Variants in COL5A1 observed in about 807,000 individuals in gnomAD.
COL5A1 encodes collagen alpha-1(V) chain.
Under a neutral mutation model 263.7 loss-of-function variants are expected in COL5A1, and 16 were observed. The observed-to-expected ratio is 0.06, with a 90% confidence interval of 0.04 to 0.09. The LOEUF (loss-of-function observed/expected upper bound fraction) is 0.09, where lower values mean the gene tolerates loss of function less well. Among genes scored for constraint, COL5A1 ranks in the 10% least tolerant of loss-of-function variants. COL5A1 has a pLI of 1.00. For synonymous variants in COL5A1, 1,012 were observed against 1,004.5 expected (o/e 1.01, Z -0.14); for missense variants, 2,036 against 2,540.5 (o/e 0.80, Z 4.27).
chr9:134,784,808 C>T (rs1253742475), intron 29 of COL5A1, among the ~76,000 whole-genome samples, 181 bp from the exon 30 acceptor site: 10 of 152,240 alleles, frequency 6.6e-5, no homozygotes, highest in East Asian at 1.9e-4. Context: ...CGGTACAATG[C>T]GCTCGCTTTG....
intron 37 of COL5A1, 108 bp downstream of exon 37, chr9:134,798,569 AGAGACAGGTTGGCCTC>A (rs1838002060): frequency 3.3e-6 from 4 of 1,203,606 alleles, no homozygotes; most frequent in Admixed American, 1.8e-5. Context: ...CTGGCCTGGG[AGAGACAGGTTGGCCTC>A]AGAAAGGCTC....
At position 134,686,296 on chromosome 9, in the gene COL5A1, C is replaced by G. The variant is rs1833077471; in HGVS notation, c.110-4616C>G. ...CGAGACCAGGTTATGCTCTGTCACC[C>G]AAGCTGGAGTGCAGTGACACGATCC... On this transcript the variant is annotated intron_variant, in intron 1 of 65. Transcript: ENST00000371817. The surrounding 1 kb of genome is among the most constrained non-coding windows in gnomAD (Gnocchi z 4.6). 6.6e-6 allele frequency among the ~76,000 whole-genome samples: 1 copy of G among 152,052 alleles called. No homozygotes were observed. Among genetic ancestry groups the G allele is most frequent in the African/African-American group, 2.4e-5 (1 of 41,380 alleles).
At chr9:134,656,868 T>C (rs1460255956) in intron 1 of COL5A1, among the ~76,000 whole-genome samples, 4 of 139,994 alleles carry the variant, frequency 2.9e-5, no homozygotes, top group African/African-American at 5.4e-5. Context: ...GAGGTTCCAA[T>C]TGGCAGGGCA....
chr9:134,691,202 C>A, intron 2 of COL5A1, 123 bp downstream of exon 2: 1 of 1,272,038 alleles, frequency 7.9e-7, no homozygotes, highest in Non-Finnish European at 1.1e-6. Context: ...AAGCCCCTCT[C>A]ACGAGCCCGG....
intron 2 of COL5A1, among the ~76,000 whole-genome samples, chr9:134,697,956 G>T (rs1833539391): frequency 6.6e-6 from 1 of 152,108 alleles, no homozygotes; most frequent in Non-Finnish European, 1.5e-5. Context: ...TGGTGGTGTG[G>T]ACCTGTAGTC....
intron 2 of COL5A1, among the ~76,000 whole-genome samples, chr9:134,693,227 A>G (rs1406427254): frequency 1.3e-5 from 2 of 151,950 alleles, no homozygotes; most frequent in East Asian, 3.9e-4. Context: ...TTTTAACCAG[A>G]TGCTAGGTGA....
intron 39 of COL5A1, among the ~76,000 whole-genome samples, chr9:134,803,313 C>T (rs957202792): frequency 6.6e-6 from 1 of 152,208 alleles, no homozygotes; most frequent in African/African-American, 2.4e-5. Context: ...GTCCATAACA[C>T]GTTTAGCAGA....
At chr9:134,660,387 TAGGAA>T (rs1056661543) in intron 1 of COL5A1, among the ~76,000 whole-genome samples, 1 of 152,188 alleles carries the variant, frequency 6.6e-6, no homozygotes, top group Non-Finnish European at 1.5e-5. Flanking sequence ...CAGATTCTAT[TAGGAA>T]AAGTTAGGAA....
At chr9:134,645,470 C>A (rs1245415525) in intron 1 of COL5A1, among the ~76,000 whole-genome samples, 2 of 152,226 alleles carry the variant, frequency 1.3e-5, no homozygotes, top group African/African-American at 4.8e-5. Context: ...CGAGGGCACC[C>A]ACATAGGAGC....
At position 134,741,995 on chromosome 9, in the gene COL5A1, G is replaced by A. The variant is rs775007903; in HGVS notation, c.1494+3187G>A. ...ACCCTGCTCCCTGTGGGCAGCCGTG[G>A]GCAGCCGTGGCAATTGGCTGGGAGC... is the stretch of plus-strand genomic sequence containing the variant. On this transcript the variant is annotated intron_variant, in intron 11 of 65. Transcript: ENST00000371817. The surrounding 1 kb of genome is among the most constrained non-coding windows in gnomAD (Gnocchi z 4.5). Among the ~76,000 whole-genome samples the A allele has an allele frequency of 2.0e-5, 3 of 152,124 alleles. No homozygotes were observed. The highest frequency in any genetic ancestry group is 2.9e-5 in the Non-Finnish European group (2 of 68,030).
chr9:134,808,279 T>G (rs1034179044), intron 42 of COL5A1, among the ~76,000 whole-genome samples: 2 of 152,126 alleles, frequency 1.3e-5, no homozygotes, highest in Non-Finnish European at 2.9e-5. Flanking sequence ...TGTCGGAAGA[T>G]AGGGATCCCT....
In COL5A1 at chr9:134,789,387, C is replaced by T. The variant is rs191970954; in HGVS notation, c.2700+179C>T. Among the ~76,000 whole-genome samples, 16 of 152,070 alleles carry T rather than the reference C, an allele frequency of 1.1e-4. No homozygotes were observed. The highest frequency in any genetic ancestry group is 5.8e-4 in the East Asian group (3 of 5,162). ...CCACGTGTTGGTGACACTCTCCAGA[C>T]GCTGGGCTGGGCAGGTATGTGATAG... On this transcript the variant is annotated intron_variant, in intron 32 of 65. Coordinates refer to ENST00000371817, the MANE Select transcript of COL5A1 (RefSeq NM_000093.5). The surrounding 1 kb of genome is among the most constrained non-coding windows in gnomAD (Gnocchi z 4.8).
chr9:134,708,748 T>G, intron 4 of COL5A1: 1 of 482,318 alleles, frequency 2.1e-6, no homozygotes, highest in Non-Finnish European at 4.1e-6. Flanking sequence ...CTGGGACTGC[T>G]GCAACCAACT....
intron 58 of COL5A1, among the ~76,000 whole-genome samples, chr9:134,820,612 G>C (rs1163575477): frequency 6.6e-6 from 1 of 152,218 alleles, no homozygotes; most frequent in African/African-American, 2.4e-5. Flanking sequence ...TGCGGGCAGA[G>C]TGGCTGTTCT....
At chr9:134,725,819 A>G (rs370878741) in intron 4 of COL5A1, among the ~76,000 whole-genome samples, 1 of 152,204 alleles carries the variant, frequency 6.6e-6, no homozygotes, top group African/African-American at 2.4e-5. Flanking sequence ...ATTCCATTCT[A>G]TGCATATACC....
At chr9:134,695,333 T>G (rs569104692) in intron 2 of COL5A1, among the ~76,000 whole-genome samples, 2 of 152,106 alleles carry the variant, frequency 1.3e-5, no homozygotes, top group Admixed American at 6.5e-5. Context: ...CAGCCTCCCT[T>G]AGGCAGAATG....
rs867389556 is a variant in COL5A1 at position 134,841,912 on chromosome 9, C to T, written c.5371-245C>T. The stretch of plus-strand genomic sequence containing the variant: ...AAGCCTTGGGAGGGTCCTGTCGCCT[C>T]GCTGATGCCCACACCACCCCACCTC... On this transcript the variant is annotated intron_variant, in intron 65 of 65. Coordinates refer to ENST00000371817, the MANE Select transcript of COL5A1 (RefSeq NM_000093.5). This position sits in a 1 kb window ranked among gnomAD's most constrained non-coding sequence, Gnocchi z 4.8. Among the ~76,000 whole-genome samples the T allele has an allele frequency of 7.2e-5, 11 of 152,136 alleles. No individual in the cohort carries two copies. The highest frequency in any genetic ancestry group is 1.4e-4 in the African/African-American group (6 of 41,424).
At chr9:134,746,620 G>A (rs546298334) in intron 11 of COL5A1, among the ~76,000 whole-genome samples, 2 of 152,250 alleles carry the variant, frequency 1.3e-5, no homozygotes, top group South Asian at 4.1e-4. Context: ...TACCAGTGGT[G>A]CCTTCATTTG....
Position 134,841,154 on chromosome 9 carries a change from T to A in COL5A1, c.5371-1003T>A, listed in dbSNP as rs934356336. Among the ~76,000 whole-genome samples the A allele has an allele frequency of 6.6e-6, 1 of 152,168 alleles. No individual in the cohort carries two copies. The highest frequency in any genetic ancestry group is 1.5e-5 in the Non-Finnish European group (1 of 68,022). ...TTGGGGATGGGGCAGTGGAAGGAGATCCTTCCCAGGCCCAGATCCAGCTGC... is the reference window on the plus strand; with the variant it reads ...TTGGGGATGGGGCAGTGGAAGGAGAACCTTCCCAGGCCCAGATCCAGCTGC... On this transcript the variant is annotated intron_variant, in intron 65 of 65. Coordinates refer to ENST00000371817, the MANE Select transcript of COL5A1 (RefSeq NM_000093.5). This position sits in a 1 kb window ranked among gnomAD's most constrained non-coding sequence, Gnocchi z 4.8.
Sources: allele counts gnomAD v4.1 joint callset (sites outside exome capture counted in the v4.1 genomes callset), GRCh38; gene constraint gnomAD v4.1.1; non-coding constraint Gnocchi (gnomAD v3.1); transcripts MANE v1.5; gene names NCBI Gene and HGNC (gene_info 2026-07-23, HGNC 2026-07-21).